Variants in FMN2 observed in about 807,000 individuals in gnomAD.
FMN2 encodes the protein formin-2.
A neutral mutation model predicts 142.3 loss-of-function variants in FMN2; 51 were observed. The ratio of observed to expected loss-of-function variants is 0.36; its 90% CI spans 0.29 to 0.45. The LOEUF (loss-of-function observed/expected upper bound fraction) is 0.45, where lower values mean the gene tolerates loss of function less well. FMN2 is among the 20% of genes least tolerant of loss of function. The probability of loss-of-function intolerance (pLI) is 1.00; values close to 1 mark genes in which losing one functional copy is unlikely to be tolerated. For missense variants in FMN2, 1,936 were observed against 2,122.8 expected, an observed-to-expected ratio of 0.91 and a Z score of 1.73; for synonymous variants, 882 against 869.8, an observed-to-expected ratio of 1.01 and a Z score of -0.25.
At chr1:240,219,464 A>G (rs1457014515) in intron 6 of FMN2, among the ~76,000 whole-genome samples, 1 of 152,146 alleles carries the variant, frequency 6.6e-6, no homozygotes, top group African/African-American at 2.4e-5. Flanking sequence ...ATTCACAACC[A>G]AACTTCGTGT....
At chr1:240,350,064 C>A (rs1196585948) in intron 13 of FMN2, among the ~76,000 whole-genome samples, 15 of 151,940 alleles carry the variant, frequency 9.9e-5, no homozygotes, top group Admixed American at 9.2e-4. Flanking sequence ...AGAATGGTGT[C>A]CAGTCTTCTA....
intron 6 of FMN2, 99 bp downstream of exon 6, chr1:240,211,334 C>A (rs1666684949): frequency 8.5e-7 from 1 of 1,172,340 alleles, no homozygotes; most frequent in Non-Finnish European, 1.2e-6. Context: ...GCTGTGTAAA[C>A]CTCCATGGAT....
intron 13 of FMN2, among the ~76,000 whole-genome samples, chr1:240,351,316 A>T (rs2103040706): frequency 6.6e-6 from 1 of 152,280 alleles, no homozygotes; most frequent in East Asian, 1.9e-4. Context: ...GTAAGGAAAA[A>T]GCTGCCCAGA....
In FMN2 at chr1:240,093,743, T is replaced by G. The variant is rs1451735016; in HGVS notation, c.1615+19T>G. 1 of 1,301,944 alleles carries G rather than the reference T, an allele frequency of 7.7e-7. No individual in the cohort carries two copies. The highest frequency in any genetic ancestry group is 9.7e-7 in the Non-Finnish European group (1 of 1,029,380). 80.6% of individuals were successfully genotyped at this position (1,301,944 alleles called of 1,614,324 possible). ...TTCACAGGTGAGCGCGCCCTGCTGC[T>G]GGCCTCCGGGTCTCAAGTCGCCTGT... On this transcript the variant is annotated intron_variant, in intron 1 of 17. Coordinates refer to ENST00000319653, the MANE Select transcript of FMN2 (RefSeq NM_020066.5).
chr1:240,310,995 C>G (rs1228087900), intron 8 of FMN2, among the ~76,000 whole-genome samples: 1 of 151,302 alleles, frequency 6.6e-6, no homozygotes, highest in Non-Finnish European at 1.5e-5. Flanking sequence ...ATTAGCAGTT[C>G]AACTGAAGAA....
intron 4 of FMN2, among the ~76,000 whole-genome samples, chr1:240,202,924 A>G (rs887998943): frequency 6.6e-6 from 1 of 152,338 alleles, no homozygotes; most frequent in South Asian, 2.1e-4. Flanking sequence ...TACTTCTTAC[A>G]TGCTATTTAT....
chr1:240,220,976 T>C (rs1667091360), intron 6 of FMN2, among the ~76,000 whole-genome samples: 1 of 152,174 alleles, frequency 6.6e-6, no homozygotes, highest in Non-Finnish European at 1.5e-5. Flanking sequence ...TATTTGGTTT[T>C]CTGTTTGTGT....
chr1:240,159,692 G>C (rs1280646415), intron 2 of FMN2, among the ~76,000 whole-genome samples: 1 of 151,924 alleles, frequency 6.6e-6, no homozygotes, highest in Admixed American at 6.6e-5. Context: ...AACCTAACCT[G>C]TTTGTGGGGA....
intron 16 of FMN2, among the ~76,000 whole-genome samples, chr1:240,462,840 G>A (rs1287583658): frequency 2.6e-5 from 4 of 152,144 alleles, no homozygotes; most frequent in South Asian, 2.1e-4. Context: ...AGAGGATTAC[G>A]TAAATAAGCT....
At chr1:240,351,473 G>A (rs1314554420) in intron 13 of FMN2, among the ~76,000 whole-genome samples, 1 of 152,106 alleles carries the variant, frequency 6.6e-6, no homozygotes. Context: ...ATGTTTCCCA[G>A]TGTGCACAGG....
intron 14 of FMN2, among the ~76,000 whole-genome samples, chr1:240,378,309 C>A (rs964212453): frequency 6.6e-6 from 1 of 152,036 alleles, no homozygotes; most frequent in East Asian, 1.9e-4. Context: ...CACCACCACA[C>A]CCAGCTAATT....
At chr1:240,210,826 T>A (rs1666662002) in intron 5 of FMN2, among the ~76,000 whole-genome samples, 1 of 152,200 alleles carries the variant, frequency 6.6e-6, no homozygotes, top group Non-Finnish European at 1.5e-5. Context: ...TACATTTTTA[T>A]ACAGTGGCCT....
intron 15 of FMN2, among the ~76,000 whole-genome samples, chr1:240,397,820 A>T (rs1673836271): frequency 7.0e-6 from 1 of 143,328 alleles, no homozygotes; most frequent in East Asian, 2.2e-4. Context: ...AGTTAACCAC[A>T]CCTAAAAACT....
chr1:240,431,123 C>A (rs1432578624), intron 15 of FMN2, among the ~76,000 whole-genome samples: 1 of 151,888 alleles, frequency 6.6e-6, no homozygotes, highest in Non-Finnish European at 1.5e-5. Context: ...TAAATTCTCT[C>A]AACAATGTTT....
intron 4 of FMN2, among the ~76,000 whole-genome samples, chr1:240,190,126 A>G (rs1260455445): frequency 6.6e-6 from 1 of 152,202 alleles, no homozygotes; most frequent in Non-Finnish European, 1.5e-5. Flanking sequence ...TGAGCGATGG[A>G]CCATGGTAAA....
In FMN2 at chr1:240,205,752, C is replaced by T. The variant is rs370750129; in HGVS notation, c.1987-1047C>T. On this transcript the variant is annotated intron_variant, in intron 4 of 17. Coordinates refer to ENST00000319653, the MANE Select transcript of FMN2 (RefSeq NM_020066.5). ...CTGGGATTACAGGCATGAGCCACCACGCCCGGCCAATGCCCTTCTTTCTAC... is the reference window on the plus strand; with the variant it reads ...CTGGGATTACAGGCATGAGCCACCATGCCCGGCCAATGCCCTTCTTTCTAC... Among the ~76,000 whole-genome samples the T allele has an allele frequency of 1.4e-4, 21 of 151,592 alleles. No homozygotes were observed. The East Asian group carries it at 3.4e-3, about 24-fold the overall frequency.
chr1:240,356,359 G>A (rs1311557043), intron 14 of FMN2, among the ~76,000 whole-genome samples: 2 of 152,072 alleles, frequency 1.3e-5, no homozygotes, highest in African/African-American at 4.8e-5. Flanking sequence ...CGGATCTTCA[G>A]AGCATTATTT....
intron 3 of FMN2, among the ~76,000 whole-genome samples, chr1:240,186,419 C>T (rs927695591): frequency 2.6e-5 from 4 of 152,184 alleles, no homozygotes; most frequent in Non-Finnish European, 5.9e-5. Flanking sequence ...TTCTTGCTTT[C>T]ACAGAGTTTA....
intron 2 of FMN2, among the ~76,000 whole-genome samples, chr1:240,138,167 C>G (rs535975262): frequency 6.6e-6 from 1 of 151,842 alleles, no homozygotes; most frequent in South Asian, 2.1e-4. Context: ...GAAGTGAACC[C>G]TATTCTCAGG....
Sources: allele counts gnomAD v4.1 joint callset (sites outside exome capture counted in the v4.1 genomes callset), GRCh38; gene constraint gnomAD v4.1.1; transcripts MANE v1.5; gene names NCBI Gene and HGNC (gene_info 2026-07-23, HGNC 2026-07-21).